Variants in ZNF777 observed in about 807,000 individuals in gnomAD.
ZNF777 encodes the protein zinc finger protein 777.
In ZNF777, 7 loss-of-function variants were observed where a neutral mutation model predicts 72.1. The observed-to-expected ratio is 0.10, with a 90% CI of 0.06 to 0.18. The LOEUF (loss-of-function observed/expected upper bound fraction) is 0.18, where lower values mean the gene tolerates loss of function less well. ZNF777 is among the 10% of genes least tolerant of loss of function. The pLI is 1.00. For synonymous variants in ZNF777, 545 were observed against 483.5 expected, an observed-to-expected ratio of 1.13 and a Z score of -1.67; for missense variants, 828 against 1,128.6, an observed-to-expected ratio of 0.73 and a Z score of 3.82.
rs1031312223 is a variant in ZNF777, at chr7:149,460,647, C to A, written c.-16+168G>T. Among the ~76,000 whole-genome samples the A allele has an allele frequency of 6.6e-6, 1 of 152,082 alleles. No individual in the cohort carries two copies. The highest frequency in any genetic ancestry group is 2.1e-4 in the South Asian group (1 of 4,832). On this transcript the variant is annotated intron_variant, in intron 1 of 5. Transcript: ENST00000247930. The surrounding 1 kb of genome is among the most constrained non-coding windows in gnomAD (Gnocchi z 6.1). ...TAAAGAGAAACACTCCGAGGCTCGT[C>A]GGAGGCTGCCGGAACCCAGACAGCT...
Position 149,436,686 on chromosome 7 carries a change from G to C in ZNF777, c.1228C>G (p.Gln410Glu), listed in dbSNP as rs763977592. ...GGCTCCTGCATGTCCAGGTCTGGCTGTTCCCCACAGGGGTCACCCAGCTCT... is the reference window on the plus strand; with the variant it reads ...GGCTCCTGCATGTCCAGGTCTGGCTCTTCCCCACAGGGGTCACCCAGCTCT... ...DSELGDPCGE[Q>E]PDLDMQEPEN... The change falls in exon 5 of 6, where the codon CAG (glutamine) becomes GAG (glutamate). Residue 410 changes from glutamine (Q) to glutamate (E), a missense_variant. Around this residue, in one of 12 missense-constraint regions of ZNF777, gnomAD observed 219 missense variants for 223.0 expected, o/e 0.98. Coordinates refer to ENST00000247930, the MANE Select transcript of ZNF777 (RefSeq NM_015694.3). The surrounding 1 kb of genome is among the most constrained non-coding windows in gnomAD (Gnocchi z 5.0). The C allele has an allele frequency of 1.2e-6, 2 of 1,614,016 alleles. No individual in the cohort carries two copies. Among genetic ancestry groups the C allele is most frequent in the Non-Finnish European group, 1.7e-6 (2 of 1,180,052 alleles).
rs781739682 is a variant in ZNF777, at chr7:149,431,741, C to T, written c.*35G>A. 2.2e-6 allele frequency: 3 copies of T among 1,369,230 alleles called. No individual in the cohort carries two copies. Among genetic ancestry groups the T allele is most frequent in the African/African-American group, 3.1e-5 (2 of 63,856 alleles). 84.8% of individuals were successfully genotyped at this position (1,369,230 alleles called of 1,614,324 possible). A position where few individuals can be genotyped will look rare whatever the true frequency, so the allele number is the denominator to read the frequency against. On this transcript the variant is annotated 3_prime_UTR_variant, in exon 6 of 6. Coordinates refer to ENST00000247930, the MANE Select transcript of ZNF777 (RefSeq NM_015694.3). ...GGTGTCCGAGGGGGGGCACGGCCCGCGCACCTGGCCGGGCGGCGGCGGCGG... is the reference window on the plus strand; with the variant it reads ...GGTGTCCGAGGGGGGGCACGGCCCGTGCACCTGGCCGGGCGGCGGCGGCGG...
intron 2 of ZNF777, among the ~76,000 whole-genome samples, chr7:149,454,876 G>C (rs906066436): frequency 6.6e-6 from 1 of 152,166 alleles, no homozygotes; most frequent in African/African-American, 2.4e-5. Context: ...CTCAGTGACT[G>C]ATGGTAAAGC....
At position 149,460,406 on chromosome 7, in the gene ZNF777, G is replaced by A. The variant is rs1266273919; in HGVS notation, c.-16+409C>T. Among the ~76,000 whole-genome samples the A allele has an allele frequency of 1.4e-5, 2 of 146,020 alleles. No individual in the cohort carries two copies. The highest frequency in any genetic ancestry group is 2.5e-5 in the African/African-American group (1 of 40,762). On this transcript the variant is annotated intron_variant, in intron 1 of 5. Transcript: ENST00000247930. This position sits in a 1 kb window ranked among gnomAD's most constrained non-coding sequence, Gnocchi z 6.1. ...GCGCGGCTGTGCGGGCGGCCCGGCC[G>A]GCTGCGTCCCGGCGGCGAGCTGGGC...
intron 1 of ZNF777, among the ~76,000 whole-genome samples, chr7:149,459,156 G>C (rs948316864): frequency 3.9e-5 from 6 of 151,906 alleles, no homozygotes; most frequent in East Asian, 1.9e-4. Flanking sequence ...TTAAAGAATT[G>C]GGATGCTTTT....
chr7:149,450,182 G>GC (rs2116597409), intron 4 of ZNF777, among the ~76,000 whole-genome samples: 1 of 152,304 alleles, frequency 6.6e-6, no homozygotes, highest in South Asian at 2.1e-4. Flanking sequence ...GATAAGTGAT[G>GC]CAAGTCCAAA....
chr7:149,437,536 G>A (rs1269981222), intron 4 of ZNF777, among the ~76,000 whole-genome samples: 1 of 152,160 alleles, frequency 6.6e-6, no homozygotes, highest in African/African-American at 2.4e-5. Flanking sequence ...GCACTGCCCT[G>A]AAATTTGTTT....
chr7:149,458,623 C>A (rs951565767), intron 1 of ZNF777, among the ~76,000 whole-genome samples: 1 of 152,236 alleles, frequency 6.6e-6, no homozygotes, highest in Admixed American at 6.5e-5. Context: ...AAGGAAAATA[C>A]TATTTCTTTG....
chr7:149,455,466 A>ACACAGCCCACAC lies in ZNF777; in HGVS notation c.556_557insGTGTGGGCTGTG (p.Leu186delinsCysValGlyCysVal), dbSNP rs1324721771. 1.2e-6 allele frequency: 2 copies of ACACAGCCCACAC among 1,614,050 alleles called. No homozygotes were observed. The highest frequency in any genetic ancestry group is 2.7e-5 in the African/African-American group (2 of 74,924). On this transcript the variant is annotated protein_altering_variant, in exon 2 of 6. Transcript: ENST00000247930. The surrounding 1 kb of genome is among the most constrained non-coding windows in gnomAD (Gnocchi z 4.2). ...TGCTTGGACGGCAGCCCACACAGCC[A>ACACAGCCCACAC]AGCGGGTGATCTCTGCCGTGGGGAG...
intron 4 of ZNF777, among the ~76,000 whole-genome samples, chr7:149,443,759 T>C (rs1019222301): frequency 6.6e-6 from 1 of 152,160 alleles, no homozygotes; most frequent in Non-Finnish European, 1.5e-5. Flanking sequence ...TATATACATA[T>C]TTTGTGTACT....
chr7:149,451,168 G>A (rs1799709371), intron 3 of ZNF777, 56 bp from the exon 4 acceptor site: 1 of 1,487,672 alleles, frequency 6.7e-7, no homozygotes. Flanking sequence ...ACTGGATGTT[G>A]TTAAGGTATC....
chr7:149,457,485 T>A (rs1799856034), intron 1 of ZNF777, among the ~76,000 whole-genome samples: 1 of 152,198 alleles, frequency 6.6e-6, no homozygotes, highest in South Asian at 2.1e-4. Context: ...GAAGAGTAAA[T>A]TGTTGAGTTA....
rs1026359103 is a variant in ZNF777, at chr7:149,455,123, C to A, written c.846+54G>T. The A allele has an allele frequency of 7.1e-6, 11 of 1,549,290 alleles. No individual in the cohort carries two copies. Among genetic ancestry groups the A allele is most frequent in the Non-Finnish European group, 9.5e-6 (11 of 1,151,886 alleles). On this transcript the variant is annotated intron_variant, in intron 2 of 5. Coordinates refer to ENST00000247930, the MANE Select transcript of ZNF777 (RefSeq NM_015694.3). This position sits in a 1 kb window ranked among gnomAD's most constrained non-coding sequence, Gnocchi z 4.2. ...TTTCATATTACACTACATTCCTAAA[C>A]CACACTCCAATTCAGATCACTTCCT...
At chr7:149,451,166 T>C in intron 3 of ZNF777, 54 bp from the exon 4 acceptor site, 1 of 1,497,600 alleles carries the variant, frequency 6.7e-7, no homozygotes, top group Non-Finnish European at 9.3e-7. Flanking sequence ...GCACTGGATG[T>C]TGTTAAGGTA....
chr7:149,441,855 T>C (rs556983120), intron 4 of ZNF777, among the ~76,000 whole-genome samples: 1 of 152,278 alleles, frequency 6.6e-6, no homozygotes, highest in South Asian at 2.1e-4. Flanking sequence ...TTCAAATATT[T>C]TTATAGGTTT....
Position 149,432,028 on chromosome 7 carries a change from C to T in ZNF777, c.2244G>A (p.Arg748=). The T allele has an allele frequency of 6.2e-7, 1 of 1,607,864 alleles. No individual in the cohort carries two copies. The change falls in exon 6 of 6, where the codon CGG becomes CGA. Residue 748 remains arginine, a synonymous_variant. Coordinates refer to ENST00000247930, the MANE Select transcript of ZNF777 (RefSeq NM_015694.3). ...TNHCRVHSRE[R]PHACPECGKS... is the part of the protein sequence containing the mutation. Reference sequence around the variant, plus strand: ...TGCCGCACTCGGGGCAGGCGTGCGGCCGCTCGCGCGAGTGCACGCGGCAGT... The same window carrying T: ...TGCCGCACTCGGGGCAGGCGTGCGGTCGCTCGCGCGAGTGCACGCGGCAGT...
Position 149,432,202 on chromosome 7 carries a change from A to C in ZNF777, c.2070T>G (p.His690Gln), listed in dbSNP as rs1309361579. The change falls in exon 6 of 6, where the codon CAT becomes CAG. Residue 690 changes from histidine to glutamine, a missense_variant. Physicochemically the swap from His to Gln is conservative, Grantham distance 24. Transcript: ENST00000247930. ...VIHQRVHAGK[H>Q]EVSFICSLCG... ...ACAGGCTGCAGATGAAGGAGACCTCATGCTTGCCCGCGTGCACGCGCTGAT... is the reference window on the plus strand; with the variant it reads ...ACAGGCTGCAGATGAAGGAGACCTCCTGCTTGCCCGCGTGCACGCGCTGAT... 1 of 1,603,020 alleles carries C rather than the reference A, an allele frequency of 6.2e-7. No homozygotes were observed. Among genetic ancestry groups the C allele is most frequent in the East Asian group, 2.2e-5 (1 of 44,564 alleles).
At chr7:149,445,427 G>C (rs1799585827) in intron 4 of ZNF777, among the ~76,000 whole-genome samples, 1 of 152,146 alleles carries the variant, frequency 6.6e-6, no homozygotes, top group Non-Finnish European at 1.5e-5. Context: ...AAGAGAACAG[G>C]GAGCTCAGTG....
At chr7:149,456,145 A>G in intron 1 of ZNF777, 108 bp from the exon 2 acceptor site, 1 of 1,214,628 alleles carries the variant, frequency 8.2e-7, no homozygotes, top group Non-Finnish European at 1.1e-6. Flanking sequence ...GTTTGGTAGC[A>G]ATAATATGTG....
Sources: allele counts gnomAD v4.1 joint callset (sites outside exome capture counted in the v4.1 genomes callset), GRCh38; gene constraint gnomAD v4.1.1; regional missense constraint gnomAD v4.1.1; non-coding constraint Gnocchi (gnomAD v3.1); transcripts MANE v1.5; gene names NCBI Gene and HGNC (gene_info 2026-07-23, HGNC 2026-07-21).